Variants in MEGF6 observed in about 807,000 individuals in gnomAD.
MEGF6 encodes multiple EGF like domains 6.
In MEGF6, 184 loss-of-function variants were observed where a neutral mutation model predicts 207.1. The ratio of observed to expected loss-of-function variants is 0.89; its 90% CI spans 0.79 to 1.00. The LOEUF (loss-of-function observed/expected upper bound fraction) is 1.00, where lower values mean the gene tolerates loss of function less well. Ranked by LOEUF, MEGF6 falls within the 50% of genes least tolerant of loss-of-function variation. The pLI is 0.00. For missense variants in MEGF6, 2,282 were observed against 2,202.9 expected (o/e 1.04, Z -0.72); for synonymous variants, 1,038 against 910.0 (o/e 1.14, Z -2.53).
chr1:3,548,007 A>G (rs1024846542), intron 4 of MEGF6, among the ~76,000 whole-genome samples: 3 of 151,994 alleles, frequency 2.0e-5, no homozygotes, highest in Admixed American at 6.5e-5. Context: ...GAACTGCACC[A>G]TCCAAACTTC....
chr1:3,598,206 G>A (rs1417640216), intron 2 of MEGF6, among the ~76,000 whole-genome samples: 1 of 152,160 alleles, frequency 6.6e-6, no homozygotes, highest in East Asian at 1.9e-4. Context: ...CAGCCGGGCT[G>A]CCGTCTCTGG....
intron 4 of MEGF6, among the ~76,000 whole-genome samples, chr1:3,558,977 G>T (rs1643112400): frequency 6.6e-6 from 1 of 152,326 alleles, no homozygotes; most frequent in Admixed American, 6.5e-5. Flanking sequence ...AGTGAGCCAT[G>T]ATTGTGCCCC....
chr1:3,500,929 G>A (rs546808821), intron 20 of MEGF6, 37 bp downstream of exon 20: 2 of 1,610,496 alleles, frequency 1.2e-6, no homozygotes, highest in Admixed American at 1.7e-5. Context: ...GGAAAGGAGG[G>A]ATGTCTGGAC....
At chr1:3,575,239 C>A (rs982314500) in intron 4 of MEGF6, among the ~76,000 whole-genome samples, 5 of 152,152 alleles carry the variant, frequency 3.3e-5, no homozygotes, top group Admixed American at 3.3e-4. Flanking sequence ...AGGTGGGACC[C>A]GGGTGCAAAG....
chr1:3,530,933 G>T, intron 4 of MEGF6: 1 of 1,144,216 alleles, frequency 8.7e-7, no homozygotes, highest in South Asian at 1.9e-5. Context: ...CCCAGAAGCA[G>T]GCGCGCCTGC....
At chr1:3,550,847 C>A (rs1207501938) in intron 4 of MEGF6, among the ~76,000 whole-genome samples, 1 of 152,264 alleles carries the variant, frequency 6.6e-6, no homozygotes, top group Non-Finnish European at 1.5e-5. Context: ...TGCACTCACC[C>A]TGGGGGAGCC....
chr1:3,507,723 G>A lies in MEGF6; in HGVS notation c.1789+72C>T. On this transcript the variant is annotated intron_variant, in intron 14 of 36. Coordinates refer to ENST00000356575, the MANE Select transcript of MEGF6 (RefSeq NM_001409.4). Reference sequence around the variant, plus strand: ...GGAGGAAGGAGACAAGGAGGACGTGGAGGGGTGGTGTCTCCCACTTCCCTT... The same window carrying A: ...GGAGGAAGGAGACAAGGAGGACGTGAAGGGGTGGTGTCTCCCACTTCCCTT... 6 of 1,592,998 alleles carry A rather than the reference G, an allele frequency of 3.8e-6. No individual in the cohort carries two copies. In the South Asian group the frequency reaches 4.4e-5, roughly 12 times the overall value.
rs760082060 is a variant in MEGF6, at chr1:3,511,501, G to T, written c.1114+49C>A. The T allele has an allele frequency of 2.6e-6, 4 of 1,560,310 alleles. No individual in the cohort carries two copies. The Admixed American group carries it at 7.0e-5, about 27-fold the overall frequency. ...AACTGATCCCAGACCCAGGGCAGCA[G>T]CGGGTCCCTGGAGTGGGGTGCAGGC... On this transcript the variant is annotated intron_variant, in intron 9 of 36. Coordinates refer to ENST00000356575, the MANE Select transcript of MEGF6 (RefSeq NM_001409.4).
At chr1:3,527,470 T>A (rs1642005808) in intron 4 of MEGF6, among the ~76,000 whole-genome samples, 1 of 151,736 alleles carries the variant, frequency 6.6e-6, no homozygotes, top group South Asian at 2.1e-4. Context: ...ACCCCGAGGG[T>A]CCCTAAGCCC....
rs1640226556 is a variant in MEGF6 at position 3,488,438 on chromosome 1, A to G, written c.*2090T>C. 2.0e-5 allele frequency among the ~76,000 whole-genome samples: 3 copies of G among 151,942 alleles called. No homozygotes were observed. The highest frequency in any genetic ancestry group is 7.3e-5 in the African/African-American group (3 of 41,334). On this transcript the variant is annotated 3_prime_UTR_variant, in exon 37 of 37. Transcript: ENST00000356575. ...ATTGGGGAGTAATGGTGATATTCTG[A>G]CTCTCTGAATTCCTAGGCCATTTGG...
intron 17 of MEGF6, among the ~76,000 whole-genome samples, chr1:3,502,400 C>T (rs931819162): frequency 3.3e-5 from 5 of 152,052 alleles, no homozygotes; most frequent in South Asian, 2.1e-4. Context: ...TCCAACCTGG[C>T]GATGCTGATC....
chr1:3,553,290 G>A (rs377095101), intron 4 of MEGF6, among the ~76,000 whole-genome samples: 19 of 152,030 alleles, frequency 1.2e-4, no homozygotes, highest in Non-Finnish European at 2.5e-4. Flanking sequence ...AGGGTACTCC[G>A]GGTACCCTGT....
intron 18 of MEGF6, among the ~76,000 whole-genome samples, 161 bp from the exon 19 acceptor site, chr1:3,501,469 G>A (rs1640862882): frequency 6.6e-6 from 1 of 152,090 alleles, no homozygotes; most frequent in African/African-American, 2.4e-5. Flanking sequence ...CACCTCCTGG[G>A]GCTGCAGGCT....
chr1:3,558,742 T>C (rs1403235430), intron 4 of MEGF6, among the ~76,000 whole-genome samples: 1 of 152,246 alleles, frequency 6.6e-6, no homozygotes, highest in African/African-American at 2.4e-5. Flanking sequence ...CCTTCTGCCT[T>C]GCTGAGAAGT....
At chr1:3,552,262 C>T (rs2101595744) in intron 4 of MEGF6, among the ~76,000 whole-genome samples, 1 of 152,352 alleles carries the variant, frequency 6.6e-6, no homozygotes. Flanking sequence ...CCAGGCAGGG[C>T]CTTCTCCCTG....
At chr1:3,518,807 G>C (rs986114041) in intron 5 of MEGF6, among the ~76,000 whole-genome samples, 9 of 152,174 alleles carry the variant, frequency 5.9e-5, no homozygotes, top group African/African-American at 2.2e-4. Context: ...CTTCTAGGAA[G>C]CCCTCTGTTG....
intron 5 of MEGF6, 114 bp from the exon 6 acceptor site, chr1:3,515,641 C>T (rs1049666007): frequency 1.5e-6 from 2 of 1,304,860 alleles, no homozygotes; most frequent in African/African-American, 1.5e-5. Flanking sequence ...CTGTAGGACC[C>T]CTCCCAGCCA....
chr1:3,491,986 C>A (rs922547335), intron 35 of MEGF6, among the ~76,000 whole-genome samples: 3 of 151,982 alleles, frequency 2.0e-5, no homozygotes, highest in African/African-American at 7.2e-5. Flanking sequence ...TGCACTATTG[C>A]GCAGACGCAC....
At chr1:3,506,360 G>C in intron 14 of MEGF6, 124 bp from the exon 15 acceptor site, 1 of 1,244,354 alleles carries the variant, frequency 8.0e-7, no homozygotes. Flanking sequence ...GCCCCCGCCA[G>C]GGCACTAGGT....
Sources: gnomAD v4.1 joint callset for allele counts (sites outside exome capture counted in the v4.1 genomes callset) on GRCh38, gnomAD v4.1.1 for gene constraint, MANE v1.5 for transcripts, NCBI Gene and HGNC (gene_info 2026-07-23, HGNC 2026-07-21) for gene names.